GNPAT: variants seen among roughly 807,000 people sequenced by gnomAD.
GNPAT encodes the protein dihydroxyacetone phosphate acyltransferase.
Under a neutral mutation model 78.4 loss-of-function variants are expected in GNPAT, and 30 were observed. That is an observed-to-expected ratio of 0.38 (90% confidence interval 0.29 to 0.52). GNPAT has a LOEUF of 0.52. GNPAT is among the 20% of genes least tolerant of loss of function. The probability of loss-of-function intolerance (pLI) is 0.84; values close to 1 mark genes in which losing one functional copy is unlikely to be tolerated. For synonymous variants in GNPAT, 271 were observed against 281.1 expected (o/e 0.96, Z 0.36); for missense variants, 714 against 812.2 (o/e 0.88, Z 1.47).
rs1414212199 is a variant in GNPAT at position 231,266,400 on chromosome 1, G to A, written c.1048G>A (p.Val350Ile). 3 of 1,613,764 alleles carry A rather than the reference G, an allele frequency of 1.9e-6. No homozygotes were observed. The highest frequency in any genetic ancestry group is 2.5e-6 in the Non-Finnish European group (3 of 1,179,770). ...GRMSRSSYNL[V>I]PRYIPQKQSE... ...GATGAGTCGGAGCTCATATAACTTG[G>A]TTCCAAGGTGTGACCTGTGTTTTAA... Residue 350 changes from valine (V) to isoleucine (I), a missense_variant, in exon 8 of 16, where the codon GTT (valine) becomes ATT (isoleucine). Physicochemically the swap from Val to Ile is conservative, Grantham distance 29. Coordinates refer to ENST00000366647, the MANE Select transcript of GNPAT (RefSeq NM_014236.4).
chr1:231,272,276 C>A, intron 10 of GNPAT, 36 bp from the exon 11 acceptor site: 2 of 1,058,770 alleles, frequency 1.9e-6, no homozygotes, highest in South Asian at 1.3e-5. Context: ...GTTTAAAGGG[C>A]AATGTTGTAA....
At position 231,270,879 on chromosome 1, in the gene GNPAT, G is replaced by C. The variant is rs1685543907; in HGVS notation, c.1401G>C (p.Gly467=). The C allele has an allele frequency of 6.2e-7, 1 of 1,614,194 alleles. No individual in the cohort carries two copies. Among genetic ancestry groups the C allele is most frequent in the East Asian group, 2.2e-5 (1 of 44,880 alleles). ...CCGGAGACTCGGAAGTGGTCGATGGGCTTATGCTCCAGCACATCACTCTCC... is the reference window on the plus strand; with the variant it reads ...CCGGAGACTCGGAAGTGGTCGATGGCCTTATGCTCCAGCACATCACTCTCC... ...VDSGDSEVVD[G]LMLQHITLLM... Residue 467 remains glycine (G), a synonymous_variant, in exon 10 of 16, where the codon GGG becomes GGC. Coordinates refer to ENST00000366647, the MANE Select transcript of GNPAT (RefSeq NM_014236.4).
At chr1:231,249,362 C>A (rs1225217542) in intron 1 of GNPAT, among the ~76,000 whole-genome samples, 1 of 152,202 alleles carries the variant, frequency 6.6e-6, no homozygotes, top group Non-Finnish European at 1.5e-5. Context: ...ATAAACTCCT[C>A]ATAAATGCTA....
chr1:231,269,807 AAG>A (rs1558336846), intron 9 of GNPAT: 2 of 152,220 alleles, frequency 1.3e-5, no homozygotes, highest in Non-Finnish European at 2.9e-5. Context: ...ATCCATAACT[AAG>A]AGTATCTGTT....
chr1:231,258,838 C>T (rs923138544), intron 2 of GNPAT, among the ~76,000 whole-genome samples: 2 of 151,292 alleles, frequency 1.3e-5, no homozygotes, highest in Non-Finnish European at 2.9e-5. Context: ...GGGGTTTCAC[C>T]GTGTTAGCCA....
intron 3 of GNPAT, among the ~76,000 whole-genome samples, chr1:231,261,866 A>G (rs1211685854): frequency 6.6e-6 from 1 of 152,070 alleles, no homozygotes; most frequent in African/African-American, 2.4e-5. Flanking sequence ...TTTTGTTTTA[A>G]TTCAGTCATT....
chr1:231,254,814 C>T (rs1442904390), intron 2 of GNPAT, among the ~76,000 whole-genome samples: 1 of 151,170 alleles, frequency 6.6e-6, no homozygotes, highest in Non-Finnish European at 1.5e-5. Flanking sequence ...GTGCGGTGCA[C>T]AATCTCGGTT....
chr1:231,260,913 T>A (rs765603487), intron 3 of GNPAT, among the ~76,000 whole-genome samples: 3 of 152,210 alleles, frequency 2.0e-5, no homozygotes, highest in Non-Finnish European at 4.4e-5. Flanking sequence ...ACTGCAGACC[T>A]ACAGGCTTCA....
At chr1:231,255,078 G>T (rs555906064) in intron 2 of GNPAT, among the ~76,000 whole-genome samples, 1 of 152,162 alleles carries the variant, frequency 6.6e-6, no homozygotes, top group East Asian at 1.9e-4. Flanking sequence ...ACTATTGTTA[G>T]TGCTCTCTCA....
At chr1:231,265,012 A>G (rs1224332912) in intron 4 of GNPAT, among the ~76,000 whole-genome samples, 1 of 152,188 alleles carries the variant, frequency 6.6e-6, no homozygotes, top group African/African-American at 2.4e-5. Flanking sequence ...GTCAAAGTAT[A>G]ATAATATCAT....
chr1:231,241,566 T>C, intron 1 of GNPAT, 110 bp downstream of exon 1: 1 of 829,448 alleles, frequency 1.2e-6, no homozygotes, highest in Non-Finnish European at 2.1e-6. Flanking sequence ...AGCTGGCCCC[T>C]AGGCTCCCGA....
Position 231,268,946 on chromosome 1 carries a change from GT to G in GNPAT, c.1279+1052del, listed in dbSNP as rs911532217. On this transcript the variant is annotated intron_variant, in intron 9 of 15. Coordinates refer to ENST00000366647, the MANE Select transcript of GNPAT (RefSeq NM_014236.4). ...TTGTACAGGCTACAGTTGGAAATGC[GT>G]TTTTTTTTAAAGACCAGATAATTAT... is the stretch of plus-strand genomic sequence containing the variant. Among the ~76,000 whole-genome samples the G allele has an allele frequency of 4.6e-5, 7 of 150,598 alleles. No individual in the cohort carries two copies. The East Asian group carries it at 9.7e-4, about 21-fold the overall frequency.
At chr1:231,275,377 A>C (rs146322914) in intron 13 of GNPAT, 28 bp from the exon 14 acceptor site, 4 of 1,566,424 alleles carry the variant, frequency 2.6e-6, no homozygotes, top group African/African-American at 2.7e-5. Flanking sequence ...AAACTGGTCA[A>C]CTAACTCTTC....
In GNPAT at chr1:231,262,725, A is replaced by G. The variant is rs758069671; in HGVS notation, c.441A>G (p.Leu147=). Residue 147 remains leucine (L), a splice_region_variant and synonymous_variant, in exon 4 of 16, where the codon CTA becomes CTG. Coordinates refer to ENST00000366647, the MANE Select transcript of GNPAT (RefSeq NM_014236.4). ...AAAATGTAACATTTACTTTCAAGCT[A>G]CAAAGAGCCATCCAGGAGCATCCTG... The part of the protein sequence containing the change: ...VCVNEEGIQK[L]QRAIQEHPVV... 1.2e-6 allele frequency: 2 copies of G among 1,608,908 alleles called. No individual in the cohort carries two copies. Among genetic ancestry groups the G allele is most frequent in the African/African-American group, 1.3e-5 (1 of 74,978 alleles).
At chr1:231,247,774 C>T (rs1161955982) in intron 1 of GNPAT, among the ~76,000 whole-genome samples, 1 of 152,148 alleles carries the variant, frequency 6.6e-6, no homozygotes, top group Non-Finnish European at 1.5e-5. Flanking sequence ...AATCAGAGAT[C>T]TGGGAACACG....
Position 231,241,420 on chromosome 1 carries a change from C to T in GNPAT, c.42C>T (p.Gly14=). The change falls in exon 1 of 16, where the codon GGC becomes GGT. Residue 14 remains glycine, a synonymous_variant. Coordinates refer to ENST00000366647, the MANE Select transcript of GNPAT (RefSeq NM_014236.4). Reference sequence around the variant, plus strand: ...CATCTAACTCTTATTTCTCCGTTGGCCCAACCAGTCCCAGCGCTGTCGTGC... The same window carrying T: ...CATCTAACTCTTATTTCTCCGTTGGTCCAACCAGTCCCAGCGCTGTCGTGC... ...SSSSNSYFSV[G]PTSPSAVVLL... is the part of the protein sequence containing the mutation. The T allele has an allele frequency of 6.2e-7, 1 of 1,613,756 alleles. No individual in the cohort carries two copies. Among genetic ancestry groups the T allele is most frequent in the Non-Finnish European group, 8.5e-7 (1 of 1,179,648 alleles).
intron 11 of GNPAT, among the ~76,000 whole-genome samples, chr1:231,273,316 A>G (rs1021143328): frequency 2.7e-5 from 4 of 149,076 alleles, no homozygotes; most frequent in African/African-American, 7.5e-5. Flanking sequence ...CAGTGGCGCA[A>G]TCTCAGCTCA....
chr1:231,256,597 C>G (rs1386166398), intron 2 of GNPAT, among the ~76,000 whole-genome samples: 1 of 148,792 alleles, frequency 6.7e-6, no homozygotes, highest in Non-Finnish European at 1.5e-5. Flanking sequence ...CACCATTCTC[C>G]TGCCTCAGCC....
Position 231,275,499 on chromosome 1 carries a change from G to T in GNPAT, c.1937+1G>T. On this transcript the variant is annotated splice_donor_variant, in intron 14 of 15. Transcript: ENST00000366647. LOFTEE classifies it high-confidence loss of function. ...TCGGAGTAGTGGAGAAGAAGAAGAT[G>T]TAAGTACTGTACAAGATCCCATGAG... 1 of 1,545,888 alleles carries T rather than the reference G, an allele frequency of 6.5e-7. No individual in the cohort carries two copies. Among genetic ancestry groups the T allele is most frequent in the Non-Finnish European group, 8.9e-7 (1 of 1,117,498 alleles).
Sources: allele counts gnomAD v4.1 joint callset (sites outside exome capture counted in the v4.1 genomes callset), GRCh38; gene constraint gnomAD v4.1.1; transcripts MANE v1.5; gene names NCBI Gene and HGNC (gene_info 2026-07-23, HGNC 2026-07-21).